TRIML1: variants seen among roughly 807,000 people sequenced by gnomAD.
TRIML1 encodes the protein tripartite motif family like 1.
TRIML1 carries 34 observed loss-of-function variants against 32.3 expected under a neutral mutation model. That is an observed-to-expected ratio of 1.05 (90% CI 0.80 to 1.40). TRIML1 has a LOEUF of 1.40. TRIML1 is among the 40% of genes most tolerant of loss of function. The pLI is 0.00. For missense variants in TRIML1, 595 were observed against 574.9 expected (o/e 1.03, Z -0.36); for synonymous variants, 244 against 226.6 (o/e 1.08, Z -0.69).
chr4:188,138,273 T>C (rs1246573923), upstream of TRIML1, among the ~76,000 whole-genome samples: 2 of 152,064 alleles, frequency 1.3e-5, no homozygotes. Context: ...TCCAACATCC[T>C]GTTGGAGGTA....
At chr4:188,143,941 C>G (rs1050824487) in intron 4 of TRIML1, 81 bp downstream of exon 4, 2 of 1,607,704 alleles carry the variant, frequency 1.2e-6, no homozygotes, top group Admixed American at 3.3e-5. Flanking sequence ...GATAGGAGGT[C>G]TGCGCTGTTG....
At chr4:188,140,483 C>A in intron 1 of TRIML1, 45 bp from the exon 2 acceptor site, 1 of 1,517,764 alleles carries the variant, frequency 6.6e-7, no homozygotes, top group South Asian at 1.1e-5. Flanking sequence ...CCTTCATGAC[C>A]TGGGACTCTG....
chr4:188,150,113 T>G (rs1299833547), downstream of TRIML1, among the ~76,000 whole-genome samples: 1 of 151,724 alleles, frequency 6.6e-6, no homozygotes, highest in East Asian at 1.9e-4. Flanking sequence ...CTTATTTTAT[T>G]TATTTTTAAA....
chr4:188,138,207 A>G (rs1734720619), upstream of TRIML1, among the ~76,000 whole-genome samples: 1 of 152,112 alleles, frequency 6.6e-6, no homozygotes, highest in Non-Finnish European at 1.5e-5. Context: ...AAGGTGGAGG[A>G]AAAAACATTC....
chr4:188,142,546 A>G, intron 3 of TRIML1, 64 bp downstream of exon 3: 1 of 1,278,970 alleles, frequency 7.8e-7, no homozygotes, highest in South Asian at 1.3e-5. Flanking sequence ...TTCAAGCCAT[A>G]GGAAATAATG....
At position 188,140,510 on chromosome 4, in the gene TRIML1, G is replaced by C. The variant is rs372971866; in HGVS notation, c.409-18G>C. ...GGGACTCTGCTCATTTGCCAGAAAG[G>C]GTTTGTTTCTATTGCAGGAGAAACT... On this transcript the variant is annotated intron_variant, in intron 1 of 5. Transcript: ENST00000332517. The C allele has an allele frequency of 2.9e-5, 47 of 1,598,848 alleles. No homozygotes were observed. The highest frequency in any genetic ancestry group is 3.9e-5 in the Non-Finnish European group (45 of 1,167,832).
At chr4:188,144,203 C>A in intron 5 of TRIML1, 70 bp downstream of exon 5, 1 of 1,340,252 alleles carries the variant, frequency 7.5e-7, no homozygotes, top group Non-Finnish European at 1.0e-6. Context: ...CTTCCAGTGT[C>A]AGACATTCAC....
intron 5 of TRIML1, 132 bp downstream of exon 5, chr4:188,144,265 G>T (rs77686774): frequency 4.1e-6 from 3 of 735,230 alleles, no homozygotes; most frequent in Non-Finnish European, 6.8e-6. Context: ...CGGAACACCA[G>T]GGAGGGCTGG....
chr4:188,137,415 G>A (rs1297395472), upstream of TRIML1, among the ~76,000 whole-genome samples: 4 of 143,940 alleles, frequency 2.8e-5, no homozygotes, highest in African/African-American at 1.0e-4. Flanking sequence ...TGATTCTCCT[G>A]CCTCAGCCTC....
chr4:188,142,326 G>A lies in TRIML1; in HGVS notation c.579G>A (p.Glu193=), dbSNP rs1207185058. ...TGCACCAGTTCCTGAAGGAAGAGGA[G>A]CAGCTGCAACTCCAGCTACTAGAAC... ...MKMHQFLKEE[E]QLQLQLLEQE... The change falls in exon 3 of 6, where the codon GAG becomes GAA. Residue 193 remains glutamate (E), a synonymous_variant. Transcript: ENST00000332517. 2.5e-6 allele frequency: 4 copies of A among 1,613,272 alleles called. No homozygotes were observed. The highest frequency in any genetic ancestry group is 1.7e-5 in the Admixed American group (1 of 59,834).
upstream of TRIML1, among the ~76,000 whole-genome samples, chr4:188,138,262 A>G (rs188228922): frequency 1.3e-4 from 20 of 152,250 alleles, no homozygotes; most frequent in East Asian, 3.9e-3. Flanking sequence ...ATAAGAAAAC[A>G]TCCAACATCC....
chr4:188,145,984 C>G (rs2111237111), intron 5 of TRIML1, among the ~76,000 whole-genome samples: 1 of 152,268 alleles, frequency 6.6e-6, no homozygotes, highest in Admixed American at 6.5e-5. Context: ...GATTTGAACA[C>G]TCAGTAACCG....
chr4:188,140,714 C>A, intron 2 of TRIML1, 91 bp downstream of exon 2: 4 of 938,872 alleles, frequency 4.3e-6, no homozygotes, highest in East Asian at 2.5e-5. Context: ...AAAAAAAAGA[C>A]AAATTTTTCC....
At position 188,142,305 on chromosome 4, in the gene TRIML1, C is replaced by T. The variant is rs760359996; in HGVS notation, c.558C>T (p.His186=). 1.4e-5 allele frequency: 22 copies of T among 1,611,756 alleles called. No individual in the cohort carries two copies. The Admixed American group carries it at 3.7e-4, about 27-fold the overall frequency. ...TTGTGTCAGAATACATGAAAATGCA[C>T]CAGTTCCTGAAGGAAGAGGAGCAGC... ...QVVVSEYMKM[H]QFLKEEEQLQ... The change falls in exon 3 of 6, where the codon CAC becomes CAT. Residue 186 remains histidine, a synonymous_variant. Coordinates refer to ENST00000332517, the MANE Select transcript of TRIML1 (RefSeq NM_178556.5).
intron 5 of TRIML1, among the ~76,000 whole-genome samples, chr4:188,145,549 A>G (rs1405419619): frequency 6.9e-6 from 1 of 145,640 alleles, no homozygotes; most frequent in Non-Finnish European, 1.5e-5. Flanking sequence ...TCAGCCAGGC[A>G]TGGTGGCTCA....
chr4:188,142,070 T>C (rs1288870436), intron 2 of TRIML1, among the ~76,000 whole-genome samples, 182 bp from the exon 3 acceptor site: 1 of 147,840 alleles, frequency 6.8e-6, no homozygotes, highest in African/African-American at 2.5e-5. Context: ...TGAGCCGAGA[T>C]TGCGCCACTG....
intron 2 of TRIML1, among the ~76,000 whole-genome samples, chr4:188,141,898 G>C (rs1734867371): frequency 6.6e-6 from 1 of 152,106 alleles, no homozygotes; most frequent in Non-Finnish European, 1.5e-5. Flanking sequence ...GGGTCACCCG[G>C]TCAAGAGACT....
At chr4:188,150,556 G>T (rs984490249), downstream of TRIML1, among the ~76,000 whole-genome samples, 44 of 152,258 alleles carry the variant, frequency 2.9e-4, no homozygotes, top group African/African-American at 9.9e-4. Context: ...CCAGTTTTGT[G>T]GAGGGACTAA....
rs925291487 is a variant in TRIML1 at position 188,147,547 on chromosome 4, C to T, written c.*175C>T. On this transcript the variant is annotated 3_prime_UTR_variant, in exon 6 of 6. Coordinates refer to ENST00000332517, the MANE Select transcript of TRIML1 (RefSeq NM_178556.5). Reference sequence around the variant, plus strand: ...TCCCATTATGAACAGCCACATTACACAATCAACTTCAACCCCAATAGAAGA... The same window carrying T: ...TCCCATTATGAACAGCCACATTACATAATCAACTTCAACCCCAATAGAAGA... 37 of 437,552 alleles carry T rather than the reference C, an allele frequency of 8.5e-5. No individual in the cohort carries two copies. The highest frequency in any genetic ancestry group is 1.2e-4 in the Non-Finnish European group (31 of 257,190). 27.1% of individuals were successfully genotyped at this position (437,552 alleles called of 1,614,324 possible). A position where few individuals can be genotyped will look rare whatever the true frequency, so the allele number is the denominator to read the frequency against.
Sources: gnomAD v4.1 joint callset for allele counts (sites outside exome capture counted in the v4.1 genomes callset) on GRCh38, gnomAD v4.1.1 for gene constraint, MANE v1.5 for transcripts, NCBI Gene and HGNC (gene_info 2026-07-23, HGNC 2026-07-21) for gene names.